STK10: variants seen among roughly 807,000 people sequenced by gnomAD.
The protein encoded by STK10 is serine/threonine kinase 10, also known as serine/threonine-protein kinase 10.
Under a neutral mutation model 113.8 loss-of-function variants are expected in STK10, and 78 were observed. The observed-to-expected ratio is 0.69, with a 90% CI of 0.57 to 0.83. The LOEUF (loss-of-function observed/expected upper bound fraction) is 0.83. Among genes scored for constraint, STK10 ranks in the 40% least tolerant of loss-of-function variants. STK10 has a pLI of 0.00. For missense variants in STK10, 1,109 were observed against 1,280.1 expected, an observed-to-expected ratio of 0.87 and a Z score of 2.04; for synonymous variants, 465 against 494.7, an observed-to-expected ratio of 0.94 and a Z score of 0.80.
At chr5:172,134,453 A>T (rs1184058201) in intron 2 of STK10, among the ~76,000 whole-genome samples, 1 of 152,152 alleles carries the variant, frequency 6.6e-6, no homozygotes, top group African/African-American at 2.4e-5. Flanking sequence ...CCATCTTTAA[A>T]TAAAAATTTT....
intron 2 of STK10, among the ~76,000 whole-genome samples, chr5:172,148,488 C>T (rs1321680748): frequency 2.6e-5 from 4 of 152,184 alleles, no homozygotes; most frequent in Non-Finnish European, 4.4e-5. Context: ...CAGCCCAGGC[C>T]GGCTATTCCA....
At chr5:172,161,562 T>C (rs1770472624) in intron 1 of STK10, among the ~76,000 whole-genome samples, 1 of 152,214 alleles carries the variant, frequency 6.6e-6, no homozygotes, top group Non-Finnish European at 1.5e-5. Context: ...CTTTCATTAA[T>C]TGAGCTGCAA....
chr5:172,122,778 C>A (rs1021241079), intron 3 of STK10, among the ~76,000 whole-genome samples: 4 of 152,198 alleles, frequency 2.6e-5, no homozygotes, highest in Non-Finnish European at 5.9e-5. Context: ...CGCCCGCCAC[C>A]ATGCTCGGCT....
At chr5:172,175,477 T>G (rs929096763) in intron 1 of STK10, among the ~76,000 whole-genome samples, 1 of 152,116 alleles carries the variant, frequency 6.6e-6, no homozygotes, top group African/African-American at 2.4e-5. Context: ...TGCAGGCTGC[T>G]GCGGTCCCAG....
chr5:172,052,907 C>A, intron 18 of STK10, 22 bp downstream of exon 18: 1 of 1,611,560 alleles, frequency 6.2e-7, no homozygotes, highest in South Asian at 1.1e-5. Context: ...GAGACTGAGC[C>A]CACCAGCTCG....
chr5:172,056,958 A>AAG (rs1561789988), intron 15 of STK10: 1,821 of 78,176 alleles, frequency 0.023, 38 homozygotes, highest in East Asian at 0.033. Context: ...AAAGAAGGAA[A>AAG]GAAAGAAAGA....
At chr5:172,055,472 G>C in intron 16 of STK10, 116 bp downstream of exon 16, 2 of 1,114,766 alleles carry the variant, frequency 1.8e-6, no homozygotes, top group Non-Finnish European at 2.3e-6. Context: ...TTACAGACGT[G>C]AGCCAGCCTG....
chr5:172,102,801 G>A (rs985894755), intron 7 of STK10, among the ~76,000 whole-genome samples: 1 of 152,106 alleles, frequency 6.6e-6, no homozygotes, highest in African/African-American at 2.4e-5. Flanking sequence ...ACATGTGACA[G>A]CTGTATGTTA....
At chr5:172,055,843 A>G in intron 15 of STK10, 67 bp from the exon 16 acceptor site, 3 of 1,336,930 alleles carry the variant, frequency 2.2e-6, no homozygotes, top group Non-Finnish European at 2.9e-6. Context: ...GTCACAGGCT[A>G]AAGGTCCCCA....
chr5:172,119,206 T>A (rs893086314), intron 3 of STK10, among the ~76,000 whole-genome samples: 1 of 149,246 alleles, frequency 6.7e-6, no homozygotes, highest in Non-Finnish European at 1.5e-5. Context: ...AGCGGGAAGG[T>A]GGGCAGCAGG....
At chr5:172,107,873 T>C in intron 4 of STK10, 21 bp from the exon 5 acceptor site, 1 of 1,613,474 alleles carries the variant, frequency 6.2e-7, no homozygotes, top group Non-Finnish European at 8.5e-7. Flanking sequence ...AAATCTCAGC[T>C]AGCGTTTTCC....
chr5:172,109,453 G>A (rs879914374), intron 4 of STK10, among the ~76,000 whole-genome samples: 7 of 152,026 alleles, frequency 4.6e-5, no homozygotes, highest in South Asian at 4.2e-4. Flanking sequence ...GAGACTACAG[G>A]TGTATGCCAC....
chr5:172,119,417 A>G (rs1171844164), intron 3 of STK10, among the ~76,000 whole-genome samples: 1 of 151,248 alleles, frequency 6.6e-6, no homozygotes, highest in Non-Finnish European at 1.5e-5. Flanking sequence ...TTTTTGCATT[A>G]AAAAAAAATT....
chr5:172,088,526 AAAAT>A (rs1017394675), intron 10 of STK10, among the ~76,000 whole-genome samples: 43 of 152,338 alleles, frequency 2.8e-4, no homozygotes, highest in African/African-American at 7.2e-4. Flanking sequence ...TCCATCTCAA[AAAAT>A]AAATAAATAC....
chr5:172,180,645 CAA>C (rs59448135), intron 1 of STK10, among the ~76,000 whole-genome samples: 10 of 142,838 alleles, frequency 7.0e-5, no homozygotes, highest in Admixed American at 2.8e-4. Context: ...ACAACAACAA[CAA>C]AAAAAAAAAA....
At chr5:172,171,330 T>C (rs1770661478) in intron 1 of STK10, among the ~76,000 whole-genome samples, 1 of 152,200 alleles carries the variant, frequency 6.6e-6, no homozygotes, top group Admixed American at 6.5e-5. Flanking sequence ...CCCAGCCTTT[T>C]ATACCTTTAC....
chr5:172,114,716 C>T (rs569270062), intron 4 of STK10: 4 of 151,742 alleles, frequency 2.6e-5, no homozygotes, highest in East Asian at 3.9e-4. Context: ...ATCTCCTGAC[C>T]TCGTGATCCG....
intron 1 of STK10, among the ~76,000 whole-genome samples, chr5:172,184,311 A>G (rs1770914957): frequency 6.6e-6 from 1 of 152,114 alleles, no homozygotes; most frequent in Non-Finnish European, 1.5e-5. Context: ...GGGGTGAGTA[A>G]ACAGCACCTC....
At chr5:172,076,168 CTGTCCTGTGCGTTAGTTGTGGGGGCT>C (rs1768301168) in intron 12 of STK10, among the ~76,000 whole-genome samples, 4 of 131,146 alleles carry the variant, frequency 3.1e-5, no homozygotes, top group South Asian at 2.5e-4. Flanking sequence ...GTTGTGGGGG[CTGTCCTGTGCGTTAGTTGTGGGGGCT>C]GTCCTGTGCA....
Sources: gnomAD v4.1 joint callset for allele counts (sites outside exome capture counted in the v4.1 genomes callset) on GRCh38, gnomAD v4.1.1 for gene constraint, MANE v1.5 for transcripts, NCBI Gene and HGNC (gene_info 2026-07-23, HGNC 2026-07-21) for gene names.